The following ADAM2 variants were observed in gnomAD, a reference collection of about 807,000 sequenced individuals.
ADAM2 encodes the protein disintegrin and metalloproteinase domain-containing protein 2.
A neutral mutation model predicts 99.3 loss-of-function variants in ADAM2; 101 were observed. The ratio of observed to expected loss-of-function variants is 1.02; its 90% CI spans 0.87 to 1.20. The LOEUF is 1.20. Among genes scored for constraint, ADAM2 ranks in the 50% most tolerant of loss-of-function variants. ADAM2 has a pLI of 0.00. For synonymous variants in ADAM2, 323 were observed against 287.6 expected (o/e 1.12, Z -1.25); for missense variants, 948 against 878.7 (o/e 1.08, Z -1.00).
chr8:39,769,297 G>T (rs971401131), intron 12 of ADAM2, 95 bp downstream of exon 12: 19 of 937,414 alleles, frequency 2.0e-5, no homozygotes, highest in Non-Finnish European at 3.1e-5. Flanking sequence ...AGAAAATTTA[G>T]CTTGATGAAT....
chr8:39,775,135 T>G (rs1802939009), intron 11 of ADAM2, among the ~76,000 whole-genome samples: 1 of 152,128 alleles, frequency 6.6e-6, no homozygotes, highest in Non-Finnish European at 1.5e-5. Flanking sequence ...ATCTGGTGTT[T>G]CACTAAAGTG....
intron 14 of ADAM2, among the ~76,000 whole-genome samples, chr8:39,762,458 G>C (rs1046138061): frequency 6.6e-6 from 1 of 152,190 alleles, no homozygotes; most frequent in Non-Finnish European, 1.5e-5. Context: ...GCATCCAAGA[G>C]AAACTACTGA....
At chr8:39,837,987 G>T in intron 1 of ADAM2, 144 bp downstream of exon 1, 1 of 844,022 alleles carries the variant, frequency 1.2e-6, no homozygotes, top group South Asian at 1.6e-5. Flanking sequence ...TGGGGAAGGC[G>T]GCAATGTCGG....
At chr8:39,792,824 C>T (rs1044859481) in intron 7 of ADAM2, among the ~76,000 whole-genome samples, 3 of 152,088 alleles carry the variant, frequency 2.0e-5, no homozygotes, top group African/African-American at 7.2e-5. Flanking sequence ...CTGGTCTATG[C>T]ATGTTGAGCC....
At chr8:39,745,970 T>G (rs1263407391) in intron 19 of ADAM2, among the ~76,000 whole-genome samples, 1 of 151,582 alleles carries the variant, frequency 6.6e-6, no homozygotes, top group Non-Finnish European at 1.5e-5. Context: ...TTATTATATG[T>G]GTATATATGC....
At chr8:39,761,554 A>T (rs1018767343) in intron 14 of ADAM2, among the ~76,000 whole-genome samples, 1 of 152,220 alleles carries the variant, frequency 6.6e-6, no homozygotes, top group Non-Finnish European at 1.5e-5. Context: ...AATCATAGTA[A>T]GTCTATAAAT....
rs1265993027 is a variant in ADAM2 at position 39,788,727 on chromosome 8, C to A, written c.584G>T (p.Gly195Val). The A allele has an allele frequency of 6.4e-7, 1 of 1,553,156 alleles. No homozygotes were observed. Among genetic ancestry groups the A allele is most frequent in the Non-Finnish European group, 8.8e-7 (1 of 1,139,996 alleles). ...TTGAGCGACAACAGTTGTATCAGAC[C>A]CCATATGATTATACTGTAAAATATT... ...IVEKQLYNHM[G>V]SDTTVVAQKV... The change falls in exon 8 of 21, where the codon GGG (glycine) becomes GTG (valine). Residue 195 changes from glycine (G) to valine (V), a missense_variant. By Grantham distance (109) the Gly-to-Val change is moderately radical (BLOSUM62 -3). Transcript: ENST00000265708.
At chr8:39,760,645 C>T (rs911526267) in intron 15 of ADAM2, among the ~76,000 whole-genome samples, 10 of 151,564 alleles carry the variant, frequency 6.6e-5, no homozygotes, top group African/African-American at 2.4e-4. Context: ...GGCGTGAACC[C>T]GGGAGGCGGA....
At chr8:39,803,145 TA>T (rs1178265639) in intron 7 of ADAM2, among the ~76,000 whole-genome samples, 3 of 152,106 alleles carry the variant, frequency 2.0e-5, no homozygotes, top group Non-Finnish European at 4.4e-5. Context: ...TGAGACTAAA[TA>T]AAAAACTGCA....
chr8:39,819,167 GCATTAGAGTAGA>G (rs1231719123), intron 6 of ADAM2, among the ~76,000 whole-genome samples: 3 of 151,922 alleles, frequency 2.0e-5, no homozygotes, highest in Non-Finnish European at 4.4e-5. Context: ...CGTGGTAGTG[GCATTAGAGTAGA>G]CATAAAGATT....
intron 11 of ADAM2, chr8:39,774,611 A>G (rs1339483279): frequency 6.6e-6 from 1 of 152,100 alleles, no homozygotes; most frequent in Non-Finnish European, 1.5e-5. Context: ...ACTAAGGAAC[A>G]GGTCCCAACC....
chr8:39,744,748 C>G, intron 20 of ADAM2, 82 bp downstream of exon 20: 1 of 883,754 alleles, frequency 1.1e-6, no homozygotes, highest in South Asian at 1.7e-5. Flanking sequence ...ACATGTATAC[C>G]TATGTAACAA....
intron 18 of ADAM2, among the ~76,000 whole-genome samples, chr8:39,747,778 A>T (rs758002651): frequency 6.6e-6 from 1 of 152,204 alleles, no homozygotes; most frequent in African/African-American, 2.4e-5. Flanking sequence ...TACCAAAGGC[A>T]GCAGTGATGC....
At position 39,838,222 on chromosome 8, in the gene ADAM2, G is replaced by A. The variant is rs1175096036; in HGVS notation, c.-37C>T. 1.2e-6 allele frequency: 2 copies of A among 1,613,006 alleles called. No individual in the cohort carries two copies. The highest frequency in any genetic ancestry group is 8.5e-7 in the Non-Finnish European group (1 of 1,178,986). On this transcript the variant is annotated 5_prime_UTR_variant, in exon 1 of 21. Transcript: ENST00000265708. ...CTGGGTCCCAGCCGGAATAATGGCA[G>A]TTGGTGGTTACAGGGCAGTTGGAAG...
At chr8:39,811,471 CA>C (rs1053892402) in intron 6 of ADAM2, among the ~76,000 whole-genome samples, 1 of 151,962 alleles carries the variant, frequency 6.6e-6, no homozygotes, top group African/African-American at 2.4e-5. Flanking sequence ...GCAGACACAA[CA>C]AAAAAAGTAA....
chr8:39,772,858 T>A (rs190383489), intron 11 of ADAM2, among the ~76,000 whole-genome samples: 5 of 151,890 alleles, frequency 3.3e-5, no homozygotes, highest in African/African-American at 9.7e-5. Context: ...AAAAGTACGA[T>A]TCGCTAGGAA....
intron 7 of ADAM2, among the ~76,000 whole-genome samples, chr8:39,807,741 A>G (rs1264744017): frequency 6.6e-6 from 1 of 152,158 alleles, no homozygotes; most frequent in East Asian, 1.9e-4. Context: ...ACTACACTAT[A>G]TATACAAAGA....
intron 12 of ADAM2, among the ~76,000 whole-genome samples, chr8:39,768,459 C>T (rs999487889): frequency 1.3e-5 from 2 of 152,134 alleles, no homozygotes; most frequent in Non-Finnish European, 2.9e-5. Context: ...CTGCTCTCCT[C>T]ACCTCCCTTC....
intron 14 of ADAM2, among the ~76,000 whole-genome samples, chr8:39,764,701 C>G (rs1191545637): frequency 6.6e-6 from 1 of 152,070 alleles, no homozygotes; most frequent in Non-Finnish European, 1.5e-5. Context: ...TGCTTGGTAA[C>G]AATGTAACTG....
Sources: allele counts gnomAD v4.1 joint callset (sites outside exome capture counted in the v4.1 genomes callset), GRCh38; gene constraint gnomAD v4.1.1; transcripts MANE v1.5; gene names NCBI Gene and HGNC (gene_info 2026-07-23, HGNC 2026-07-21).